The following SLC12A1 variants were observed in gnomAD, a reference collection of about 807,000 sequenced individuals.
SLC12A1 encodes Na-K-2Cl cotransporter.
In SLC12A1, 89 loss-of-function variants were observed where a neutral mutation model predicts 130.4. The ratio of observed to expected loss-of-function variants is 0.68; its 90% CI spans 0.58 to 0.81. The LOEUF is 0.81. Among genes scored for constraint, SLC12A1 ranks in the 40% least tolerant of loss-of-function variants. The pLI is 0.00. For missense variants in SLC12A1, 1,310 were observed against 1,336.4 expected (o/e 0.98, Z 0.31); for synonymous variants, 499 against 460.0 (o/e 1.08, Z -1.09).
intron 4 of SLC12A1, chr15:48,223,811 G>C (rs1281654459): frequency 6.6e-6 from 1 of 152,142 alleles, no homozygotes; most frequent in African/African-American, 2.4e-5. Flanking sequence ...TGAAGAATTT[G>C]GTCCAACTAT....
At chr15:48,243,160 T>G (rs553620464) in intron 10 of SLC12A1, among the ~76,000 whole-genome samples, 2 of 152,114 alleles carry the variant, frequency 1.3e-5, no homozygotes, top group African/African-American at 4.8e-5. Flanking sequence ...AGATCTGTTA[T>G]GCAGAGGTTA....
chr15:48,214,754 A>G (rs1259556630), intron 2 of SLC12A1, among the ~76,000 whole-genome samples: 2 of 149,610 alleles, frequency 1.3e-5, no homozygotes, highest in Non-Finnish European at 2.9e-5. Context: ...ATTGAGTGGC[A>G]GGAGTGGGAG....
chr15:48,250,968 G>A (rs977559136), intron 14 of SLC12A1, among the ~76,000 whole-genome samples: 1 of 152,092 alleles, frequency 6.6e-6, no homozygotes, highest in Non-Finnish European at 1.5e-5. Flanking sequence ...TCCCACGCAC[G>A]TGCGCACTGT....
chr15:48,278,207 G>A (rs552360321), intron 20 of SLC12A1, among the ~76,000 whole-genome samples: 26 of 152,350 alleles, frequency 1.7e-4, no homozygotes, highest in African/African-American at 5.5e-4. Flanking sequence ...TCGCGCCACT[G>A]CACTCCAGCC....
intron 8 of SLC12A1, 135 bp downstream of exon 8, chr15:48,232,973 A>G: frequency 1.6e-6 from 1 of 641,354 alleles, no homozygotes; most frequent in Non-Finnish European, 2.8e-6. Context: ...CGGAAGCCCA[A>G]AAGAAATGGG....
chr15:48,249,315 C>T (rs964763102), intron 13 of SLC12A1, among the ~76,000 whole-genome samples: 2 of 74,230 alleles, frequency 2.7e-5, no homozygotes, highest in South Asian at 6.6e-4. Context: ...CACATCTACC[C>T]ATTGCCACTT....
intron 17 of SLC12A1, among the ~76,000 whole-genome samples, chr15:48,260,101 C>T (rs1363198822): frequency 6.6e-6 from 1 of 151,936 alleles, no homozygotes; most frequent in African/African-American, 2.4e-5. Context: ...CCTCTCTCTA[C>T]TAAAAATACA....
rs1233993692 is a variant in SLC12A1, at chr15:48,303,900, C to T, written c.*1015C>T. The T allele has an allele frequency of 1.3e-5, 2 of 152,150 alleles. No individual in the cohort carries two copies. The highest frequency in any genetic ancestry group is 6.5e-5 in the Admixed American group (1 of 15,268). 9.4% of individuals were successfully genotyped at this position (152,150 alleles called of 1,614,324 possible). ...TTGTAAAATTTGGAATATACAGATA[C>T]TGATTTTTTTCATTTTTGTTAGTAT... On this transcript the variant is annotated 3_prime_UTR_variant, in exon 27 of 27. Coordinates refer to ENST00000380993, the MANE Select transcript of SLC12A1 (RefSeq NM_000338.3).
chr15:48,279,238 T>C (rs539114957), intron 20 of SLC12A1, among the ~76,000 whole-genome samples: 19 of 152,350 alleles, frequency 1.2e-4, no homozygotes, highest in African/African-American at 4.6e-4. Flanking sequence ...AACTTGCATT[T>C]CATTATATTA....
At chr15:48,279,399 CAT>C (rs1271938342) in intron 20 of SLC12A1, among the ~76,000 whole-genome samples, 1 of 152,106 alleles carries the variant, frequency 6.6e-6, no homozygotes, top group Non-Finnish European at 1.5e-5. Context: ...TCAGAGTGCC[CAT>C]ATACTGTAGT....
chr15:48,222,303 C>T (rs1283468148), intron 4 of SLC12A1: 3 of 152,070 alleles, frequency 2.0e-5, no homozygotes, highest in Non-Finnish European at 4.4e-5. Context: ...TTTAACGCAA[C>T]TTATTTAACA....
intron 20 of SLC12A1, among the ~76,000 whole-genome samples, chr15:48,281,137 G>T (rs1162058210): frequency 6.6e-6 from 1 of 152,152 alleles, no homozygotes; most frequent in Non-Finnish European, 1.5e-5. Flanking sequence ...GACATCTTTT[G>T]TCTGTGTGAT....
In SLC12A1 at chr15:48,254,785, G is replaced by A. The variant is rs1007508145; in HGVS notation, c.1943-1026G>A. Among the ~76,000 whole-genome samples the A allele has an allele frequency of 4.0e-5, 6 of 151,720 alleles. No individual in the cohort carries two copies. The East Asian group carries it at 9.7e-4, about 25-fold the overall frequency. On this transcript the variant is annotated intron_variant, in intron 15 of 26. Transcript: ENST00000380993. Reference sequence around the variant, plus strand: ...AAAAAATACAAAAAATTAGCCGGGCGTGGTGGCGGGCGCCTGTAGTCCCAG... The same window carrying A: ...AAAAAATACAAAAAATTAGCCGGGCATGGTGGCGGGCGCCTGTAGTCCCAG...
At position 48,251,776 on chromosome 15, in the gene SLC12A1, A is replaced by G; in HGVS notation, c.1942+6A>G. 1 of 1,612,992 alleles carries G rather than the reference A, an allele frequency of 6.2e-7. No individual in the cohort carries two copies. The highest frequency in any genetic ancestry group is 8.5e-7 in the Non-Finnish European group (1 of 1,179,178). On this transcript the variant is annotated splice_donor_region_variant and intron_variant, in intron 15 of 26. Coordinates refer to ENST00000380993, the MANE Select transcript of SLC12A1 (RefSeq NM_000338.3). ...TGTGACTTGTAAGAAGCCAGGTAAG[A>G]TAATGACTGTCTGGAATAGCGTTTC... is the stretch of plus-strand genomic sequence containing the variant.
chr15:48,278,578 G>T (rs557904762), intron 20 of SLC12A1, among the ~76,000 whole-genome samples: 2 of 152,256 alleles, frequency 1.3e-5, no homozygotes, highest in African/African-American at 2.4e-5. Flanking sequence ...CCAACAAGGG[G>T]GCTGCCTGTC....
At chr15:48,254,796 C>A (rs182012676) in intron 15 of SLC12A1, among the ~76,000 whole-genome samples, 1 of 151,524 alleles carries the variant, frequency 6.6e-6, no homozygotes, top group African/African-American at 2.4e-5. Context: ...TGGTGGCGGG[C>A]GCCTGTAGTC....
intron 17 of SLC12A1, among the ~76,000 whole-genome samples, chr15:48,260,031 G>A (rs911497907): frequency 6.6e-6 from 1 of 152,050 alleles, no homozygotes; most frequent in South Asian, 2.1e-4. Context: ...GCTTTGGGAG[G>A]CCAAGGTGGG....
At position 48,288,168 on chromosome 15, in the gene SLC12A1, G is replaced by C. The variant is rs772842522; in HGVS notation, c.2755G>C (p.Asp919His). ...GTIDVWWLFDDGGLTLLIPYI... is the reference protein window; with the variant it reads ...GTIDVWWLFDHGGLTLLIPYI... The stretch of plus-strand genomic sequence containing the variant: ...AATTGATGTTTGGTGGTTGTTTGAT[G>C]ATGGAGGTAAAAACTTTCAGAAAAT... The change falls in exon 22 of 27, where the codon GAT becomes CAT. Residue 919 changes from aspartate to histidine, a missense_variant. Physicochemically the swap from Asp to His is moderately conservative, Grantham distance 81. Coordinates refer to ENST00000380993, the MANE Select transcript of SLC12A1 (RefSeq NM_000338.3). 1.2e-6 allele frequency: 2 copies of C among 1,608,466 alleles called. No homozygotes were observed. Among genetic ancestry groups the C allele is most frequent in the African/African-American group, 1.3e-5 (1 of 74,858 alleles).
chr15:48,271,062 A>G (rs1478762180), intron 19 of SLC12A1, among the ~76,000 whole-genome samples: 7 of 151,534 alleles, frequency 4.6e-5, no homozygotes, highest in Admixed American at 4.6e-4. Flanking sequence ...CGTCTCTACT[A>G]AAAATACAAA....
Sources: gnomAD v4.1 joint callset for allele counts (sites outside exome capture counted in the v4.1 genomes callset) on GRCh38, gnomAD v4.1.1 for gene constraint, MANE v1.5 for transcripts, NCBI Gene and HGNC (gene_info 2026-07-23, HGNC 2026-07-21) for gene names.